CDH13: variants seen among roughly 807,000 people sequenced by gnomAD.
The protein encoded by CDH13 is cadherin 13, also known as cadherin-13.
In CDH13, 24 loss-of-function variants were observed where a neutral mutation model predicts 63.8. The ratio of observed to expected loss-of-function variants is 0.38; its 90% CI spans 0.27 to 0.53. CDH13 has a LOEUF of 0.53. Ranked by LOEUF, CDH13 falls within the 20% of genes least tolerant of loss-of-function variation. The pLI is 0.85. For synonymous variants in CDH13, 503 were observed against 355.3 expected (o/e 1.42, Z -4.67); for missense variants, 1,049 against 903.1 (o/e 1.16, Z -2.07).
intron 3 of CDH13, among the ~76,000 whole-genome samples, chr16:83,114,993 G>A (rs2035227471): frequency 6.6e-6 from 1 of 152,192 alleles, no homozygotes; most frequent in Non-Finnish European, 1.5e-5. Context: ...CTGTCCCCCT[G>A]CAGTATAGGT....
chr16:83,657,233 C>G (rs1455906907), intron 8 of CDH13, among the ~76,000 whole-genome samples: 1 of 152,192 alleles, frequency 6.6e-6, no homozygotes, highest in East Asian at 1.9e-4. Context: ...AATACAGGAT[C>G]ATTTATCTGT....
At chr16:83,112,422 A>T (rs2035101723) in intron 3 of CDH13, among the ~76,000 whole-genome samples, 1 of 152,234 alleles carries the variant, frequency 6.6e-6, no homozygotes, top group African/African-American at 2.4e-5. Context: ...GTTCTTGGTG[A>T]TTAGAAATTT....
At chr16:83,651,080 A>G (rs1241434295) in intron 8 of CDH13, among the ~76,000 whole-genome samples, 3 of 152,138 alleles carry the variant, frequency 2.0e-5, no homozygotes, top group Non-Finnish European at 4.4e-5. Context: ...CAGCCTGGGC[A>G]ACAAAGCAAG....
chr16:82,857,818 T>C, intron 1 of CDH13, among the ~76,000 whole-genome samples: 1 of 152,126 alleles, frequency 6.6e-6, no homozygotes, highest in Non-Finnish European at 1.5e-5. Flanking sequence ...GTGTGTATTT[T>C]ATACTTACAA....
intron 4 of CDH13, among the ~76,000 whole-genome samples, chr16:83,152,616 G>A (rs1047400099): frequency 6.6e-6 from 1 of 152,130 alleles, no homozygotes; most frequent in Non-Finnish European, 1.5e-5. Flanking sequence ...TCTGGGACAG[G>A]TTTCAGAGTA....
intron 8 of CDH13, among the ~76,000 whole-genome samples, chr16:83,620,251 C>T (rs1246362521): frequency 1.3e-5 from 2 of 151,824 alleles, no homozygotes; most frequent in Non-Finnish European, 2.9e-5. Context: ...ATTAGCCGGG[C>T]GTGGTGGCAT....
intron 1 of CDH13, among the ~76,000 whole-genome samples, chr16:82,789,140 C>T (rs8050716): frequency 0.065 from 9,830 of 152,240 alleles, 340 homozygotes; most frequent in Middle Eastern, 0.12. Flanking sequence ...TTTCACACCC[C>T]ACCCCATCCT....
At chr16:83,608,419 G>A (rs941129299) in intron 8 of CDH13, among the ~76,000 whole-genome samples, 1 of 152,184 alleles carries the variant, frequency 6.6e-6, no homozygotes, top group Non-Finnish European at 1.5e-5. Context: ...ATTTCTAAAA[G>A]TCAGTGTGGA....
At chr16:83,655,357 T>C (rs745513676) in intron 8 of CDH13, 1 of 152,268 alleles carries the variant, frequency 6.6e-6, no homozygotes, top group Non-Finnish European at 1.5e-5. Context: ...GATAAGGAAG[T>C]ACCGAGGCTT....
chr16:83,746,539 A>G (rs1597167021), intron 10 of CDH13, among the ~76,000 whole-genome samples: 1 of 152,172 alleles, frequency 6.6e-6, no homozygotes, highest in South Asian at 2.1e-4. Context: ...TCCCGTGAAG[A>G]CTCGGGGTTA....
At chr16:83,728,333 A>ATGTGTGCGTGTGTGTG (rs1555521374) in intron 10 of CDH13, among the ~76,000 whole-genome samples, 4 of 46,900 alleles carry the variant, frequency 8.5e-5, no homozygotes, top group African/African-American at 2.4e-4. Context: ...GTGTATGTGT[A>ATGTGTGCGTGTGTGTG]TGTGTGTGCG....
At chr16:83,673,123 A>G (rs1193411197) in intron 9 of CDH13, among the ~76,000 whole-genome samples, 1 of 152,232 alleles carries the variant, frequency 6.6e-6, no homozygotes, top group African/African-American at 2.4e-5. Context: ...TTACAAACCT[A>G]GTCTACATAC....
At chr16:83,055,748 T>C (rs1362172157) in intron 3 of CDH13, among the ~76,000 whole-genome samples, 1 of 152,140 alleles carries the variant, frequency 6.6e-6, no homozygotes, top group East Asian at 1.9e-4. Context: ...AGCTTCTTTC[T>C]GAAGGCCAAC....
intron 4 of CDH13, among the ~76,000 whole-genome samples, chr16:83,166,806 G>T (rs556459217): frequency 6.6e-6 from 1 of 152,274 alleles, no homozygotes; most frequent in East Asian, 1.9e-4. Context: ...TTTACAGAAT[G>T]AGGTGTTCTT....
chr16:82,674,798 A>G (rs1173579719), intron 1 of CDH13, among the ~76,000 whole-genome samples: 6 of 152,346 alleles, frequency 3.9e-5, no homozygotes, highest in Middle Eastern at 3.4e-3. Flanking sequence ...TAATTATGGT[A>G]TGTGTTGGCG....
intron 1 of CDH13, among the ~76,000 whole-genome samples, chr16:82,764,027 C>T (rs545286107): frequency 6.6e-5 from 10 of 152,322 alleles, no homozygotes; most frequent in African/African-American, 2.4e-4. Context: ...TTGCATCTCA[C>T]ATTCCAAACT....
At chr16:83,140,584 G>T (rs2036487851) in intron 4 of CDH13, among the ~76,000 whole-genome samples, 1 of 152,292 alleles carries the variant, frequency 6.6e-6, no homozygotes, top group East Asian at 1.9e-4. Flanking sequence ...CCCCAGGGTA[G>T]CTGGGATTAC....
chr16:83,404,454 C>T (rs1345885449), intron 6 of CDH13, among the ~76,000 whole-genome samples: 1 of 152,146 alleles, frequency 6.6e-6, no homozygotes. Flanking sequence ...TAAGCAGCTT[C>T]GCAGAATTTT....
intron 7 of CDH13, among the ~76,000 whole-genome samples, chr16:83,571,480 CAG>C (rs1904616280): frequency 6.6e-6 from 1 of 152,080 alleles, no homozygotes; most frequent in South Asian, 2.1e-4. Context: ...ATTAGGCTAA[CAG>C]AATCTAAGTT....
Sources: allele counts gnomAD v4.1 joint callset (sites outside exome capture counted in the v4.1 genomes callset), GRCh38; gene constraint gnomAD v4.1.1; transcripts MANE v1.5; gene names NCBI Gene and HGNC (gene_info 2026-07-23, HGNC 2026-07-21).